The following FRRS1 variants were observed in gnomAD, a reference collection of about 807,000 sequenced individuals.
FRRS1 encodes ferric chelate reductase 1, also known as ferric reductase 1.
In FRRS1, 51 loss-of-function variants were observed where a neutral mutation model predicts 70.7. That is an observed-to-expected ratio of 0.72 (90% CI 0.58 to 0.91). FRRS1 has a LOEUF of 0.91. FRRS1 is among the 40% of genes least tolerant of loss of function. FRRS1 has a pLI of 0.00. For missense variants in FRRS1, 672 were observed against 726.0 expected (o/e 0.93, Z 0.86); for synonymous variants, 225 against 238.7 (o/e 0.94, Z 0.53).
intron 4 of FRRS1, 55 bp downstream of exon 4, chr1:99,747,239 T>C (rs547788693): frequency 9.5e-5 from 135 of 1,415,836 alleles, no homozygotes; most frequent in Non-Finnish European, 1.3e-4. Flanking sequence ...TCCCCAGGGG[T>C]GGGGTCTGCA....
chr1:99,745,936 C>T (rs1656237621), intron 4 of FRRS1, among the ~76,000 whole-genome samples: 3 of 152,190 alleles, frequency 2.0e-5, no homozygotes, highest in Non-Finnish European at 4.4e-5. Flanking sequence ...GAAGTGTCTG[C>T]TCCGGCTTCA....
At position 99,740,736 on chromosome 1, in the gene FRRS1, G is replaced by A. The variant is rs538631675; in HGVS notation, c.576+57C>T. The stretch of plus-strand genomic sequence containing the variant: ...CACTTGAGCTCAGGAGTTCGAGACC[G>A]GCCTGGGCAACATGGTGAAACCCCA... On this transcript the variant is annotated intron_variant, in intron 6 of 16. Coordinates refer to ENST00000646001, the MANE Select transcript of FRRS1 (RefSeq NM_001361041.2). 164 of 1,241,980 alleles carry A rather than the reference G, an allele frequency of 1.3e-4. No homozygotes were observed. In the East Asian group the frequency reaches 2.7e-3, roughly 21 times the overall value. The allele number at this position is 1,241,980 out of a possible 1,614,324, so 76.9% of individuals were successfully genotyped here.
chr1:99,758,125 T>A (rs749233208), intron 1 of FRRS1, among the ~76,000 whole-genome samples: 5 of 152,206 alleles, frequency 3.3e-5, no homozygotes, highest in Non-Finnish European at 1.5e-5. Context: ...CAAGTATGCA[T>A]TGGCTTATGC....
rs774713001 is a variant in FRRS1, at chr1:99,710,869, C to T, written c.1561G>A (p.Val521Ile). The part of the protein sequence containing the change: ...SWKTYAMTGF[V>I]AWHVGTEVVL... Reference sequence around the variant, plus strand: ...ACCTCAGTCCCAACATGCCAGGCTACGAATCCGGTCATTGCATAGGTTTTC... The same window carrying T: ...ACCTCAGTCCCAACATGCCAGGCTATGAATCCGGTCATTGCATAGGTTTTC... The change falls in exon 15 of 17, where the codon GTA becomes ATA. Residue 521 changes from valine to isoleucine, a missense_variant. Transcript: ENST00000646001. The T allele has an allele frequency of 3.1e-6, 5 of 1,613,774 alleles. No homozygotes were observed. The highest frequency in any genetic ancestry group is 1.7e-5 in the Admixed American group (1 of 59,982).
At chr1:99,726,806 G>A (rs952492883) in intron 9 of FRRS1, among the ~76,000 whole-genome samples, 3 of 152,052 alleles carry the variant, frequency 2.0e-5, no homozygotes, top group East Asian at 1.9e-4. Flanking sequence ...TCCTGGGCTC[G>A]GGCAATCCTT....
At chr1:99,719,070 C>CAAAAAAAA (rs57652002) in intron 10 of FRRS1, among the ~76,000 whole-genome samples, 1 of 147,464 alleles carries the variant, frequency 6.8e-6, no homozygotes. Flanking sequence ...ACAGCTGTGT[C>CAAAAAAAA]AAAAAAAAAA....
intron 4 of FRRS1, among the ~76,000 whole-genome samples, chr1:99,742,928 A>C (rs1207271737): frequency 6.6e-6 from 1 of 152,186 alleles, no homozygotes; most frequent in Non-Finnish European, 1.5e-5. Flanking sequence ...AGCAAGAGTA[A>C]GTCTTGTCCA....
At position 99,719,539 on chromosome 1, in the gene FRRS1, A is replaced by C. The variant is rs918298230; in HGVS notation, c.1115T>G (p.Val372Gly). 6.5e-7 allele frequency: 1 copy of C among 1,534,626 alleles called. No individual in the cohort carries two copies. Among genetic ancestry groups the C allele is most frequent in the African/African-American group, 1.4e-5 (1 of 73,332 alleles). Reference protein sequence around the residue: ...GGSHSVLLLKVHGALMFVAWM... With the variant: ...GGSHSVLLLKGHGALMFVAWM... Reference sequence around the variant, plus strand: ...TAGTTACACATGTAACCTACCATGAACCTTCAGAAGGAGTACAGAATGGGA... The same window carrying C: ...TAGTTACACATGTAACCTACCATGACCCTTCAGAAGGAGTACAGAATGGGA... Residue 372 changes from valine to glycine, a missense_variant, in exon 10 of 17, where the codon GTT becomes GGT. Val to Gly is a moderately radical substitution (Grantham distance 109). Coordinates refer to ENST00000646001, the MANE Select transcript of FRRS1 (RefSeq NM_001361041.2).
At chr1:99,717,364 G>A (rs375742348) in intron 11 of FRRS1, 46 bp downstream of exon 11, 1 of 1,183,616 alleles carries the variant, frequency 8.4e-7, no homozygotes, top group Non-Finnish European at 1.3e-6. Context: ...ATGTTGCAAT[G>A]TTCAAATACT....
At chr1:99,728,158 C>T (rs1051292124) in intron 9 of FRRS1, among the ~76,000 whole-genome samples, 2 of 152,214 alleles carry the variant, frequency 1.3e-5, no homozygotes, top group Non-Finnish European at 2.9e-5. Context: ...TTCTAGGTCC[C>T]CTGCAATGTT....
chr1:99,758,165 G>A (rs1571158927), intron 1 of FRRS1, among the ~76,000 whole-genome samples: 1 of 152,194 alleles, frequency 6.6e-6, no homozygotes, highest in East Asian at 1.9e-4. Flanking sequence ...CATAAGATAA[G>A]GTGAACATAC....
At chr1:99,730,589 C>G (rs996340242) in intron 7 of FRRS1, among the ~76,000 whole-genome samples, 2 of 152,036 alleles carry the variant, frequency 1.3e-5, no homozygotes, top group Non-Finnish European at 2.9e-5. Flanking sequence ...CCAAGCGGGC[C>G]GGGCGAGGTG....
chr1:99,737,888 G>A (rs186873804), intron 7 of FRRS1, among the ~76,000 whole-genome samples, 198 bp downstream of exon 7: 9 of 152,066 alleles, frequency 5.9e-5, no homozygotes, highest in South Asian at 4.2e-4. Context: ...GATTACAAGC[G>A]CCCGCCACGA....
intron 9 of FRRS1, among the ~76,000 whole-genome samples, chr1:99,722,761 G>A (rs368475853): frequency 6.6e-6 from 1 of 152,092 alleles, no homozygotes; most frequent in South Asian, 2.1e-4. Flanking sequence ...AATATCAGAC[G>A]CATTTTCATC....
At chr1:99,748,483 T>C in intron 3 of FRRS1, 90 bp downstream of exon 3, 2 of 1,079,396 alleles carry the variant, frequency 1.9e-6, no homozygotes, top group East Asian at 4.7e-5. Flanking sequence ...CAGATTTAAG[T>C]GAAATCTTCT....
At chr1:99,749,223 C>A (rs181624264) in intron 1 of FRRS1, among the ~76,000 whole-genome samples, 1 of 152,028 alleles carries the variant, frequency 6.6e-6, no homozygotes, top group Admixed American at 6.6e-5. Flanking sequence ...TTGGTAGAGA[C>A]GGAGTTACAC....
At chr1:99,714,493 TA>T (rs1054631976) in intron 12 of FRRS1, among the ~76,000 whole-genome samples, 7 of 151,414 alleles carry the variant, frequency 4.6e-5, no homozygotes, top group Non-Finnish European at 7.4e-5. Context: ...GGTTTACATT[TA>T]AAAAAAAATA....
intron 1 of FRRS1, among the ~76,000 whole-genome samples, chr1:99,752,074 G>A (rs1656596191): frequency 6.6e-6 from 1 of 152,144 alleles, no homozygotes; most frequent in Non-Finnish European, 1.5e-5. Context: ...CCTTGCTCTG[G>A]ATTAGACTTT....
intron 1 of FRRS1, chr1:99,765,684 G>C (rs1157482848): frequency 6.6e-6 from 1 of 151,920 alleles, no homozygotes; most frequent in Non-Finnish European, 1.5e-5. Context: ...GGCATATCAC[G>C]AGGTCAGGAG....
Sources: allele counts gnomAD v4.1 joint callset (sites outside exome capture counted in the v4.1 genomes callset), GRCh38; gene constraint gnomAD v4.1.1; transcripts MANE v1.5; gene names NCBI Gene and HGNC (gene_info 2026-07-23, HGNC 2026-07-21).